Variants in MED19 observed in about 807,000 individuals in gnomAD.
The protein encoded by MED19 is mediator complex subunit 19.
In MED19, 4 loss-of-function variants were observed where a neutral mutation model predicts 19.9. The ratio of observed to expected loss-of-function variants is 0.20; its 90% CI spans 0.10 to 0.46. The LOEUF is 0.46. Among genes scored for constraint, MED19 ranks in the 20% least tolerant of loss-of-function variants. MED19 has a pLI of 0.99. For synonymous variants in MED19, 139 were observed against 119.6 expected (o/e 1.16, Z -1.06); for missense variants, 303 against 318.7 (o/e 0.95, Z 0.38).
At chr11:57,706,020 A>C (rs1218642912) in intron 1 of MED19, among the ~76,000 whole-genome samples, 1 of 152,136 alleles carries the variant, frequency 6.6e-6, no homozygotes, top group Admixed American at 6.5e-5. Context: ...ACTAGCAAGA[A>C]ACACTAATCA....
intron 1 of MED19, among the ~76,000 whole-genome samples, 187 bp downstream of exon 1, chr11:57,711,771 TTCAAC>T (rs1946619422): frequency 6.6e-6 from 1 of 152,128 alleles, no homozygotes; most frequent in Non-Finnish European, 1.5e-5. Flanking sequence ...TTTGGTTGAA[TTCAAC>T]TCATCCTGGT....
exon 5 of MED19, chr11:57,703,826 A>G (rs1327038802): frequency 1.3e-5 from 7 of 554,358 alleles, no homozygotes; most frequent in Non-Finnish European, 2.0e-5. Context: ...AGAGGAAGAG[A>G]TGTCCATGAG....
intron 3 of MED19, 91 bp from the exon 4 acceptor site, chr11:57,704,487 G>T: frequency 6.4e-7 from 1 of 1,560,734 alleles, no homozygotes; most frequent in South Asian, 1.2e-5. Flanking sequence ...TCCCAAGTCG[G>T]GGCAACTGCT....
intron 4 of MED19, 40 bp downstream of exon 4, chr11:57,704,262 G>C (rs1448383483): frequency 1.3e-6 from 2 of 1,530,288 alleles, no homozygotes; most frequent in Non-Finnish European, 1.7e-6. Context: ...GTGAGATCTG[G>C]GGAAACTCAC....
chr11:57,706,737 AAAAC>A (rs1565204149), intron 1 of MED19, among the ~76,000 whole-genome samples: 7 of 150,586 alleles, frequency 4.6e-5, no homozygotes, highest in South Asian at 4.3e-4. Flanking sequence ...TGTCTCAAAA[AAAAC>A]AAAACAAAAC....
At chr11:57,707,281 T>C (rs1285499878) in intron 1 of MED19, among the ~76,000 whole-genome samples, 1 of 151,856 alleles carries the variant, frequency 6.6e-6, no homozygotes, top group African/African-American at 2.4e-5. Context: ...TTAAAAAATA[T>C]ACATTTATTA....
exon 3 of MED19, chr11:57,704,726 G>T: frequency 6.2e-7 from 1 of 1,609,402 alleles, no homozygotes; most frequent in Non-Finnish European, 8.5e-7. Context: ...TACCTGGGGG[G>T]ACAGGATCCT....
At chr11:57,705,250 A>G in intron 1 of MED19, 21 bp from the exon 2 acceptor site, 1 of 1,609,346 alleles carries the variant, frequency 6.2e-7, no homozygotes, top group East Asian at 2.2e-5. Flanking sequence ...CAGAATAAAA[A>G]TAAAAAAGAT....
chr11:57,712,060 G>A (rs1279778131), exon 1 of MED19: 5 of 1,532,250 alleles, frequency 3.3e-6, no homozygotes, highest in Non-Finnish European at 1.8e-6. Flanking sequence ...GGGCCGTGCC[G>A]GGTCCCCCGC....
At chr11:57,704,652 C>G (rs1412267637) in intron 3 of MED19, 67 bp downstream of exon 3, 10 of 1,539,416 alleles carry the variant, frequency 6.5e-6, no homozygotes, top group Non-Finnish European at 8.9e-6. Flanking sequence ...AAGTTCAAAC[C>G]AGATTCAGAA....
At chr11:57,708,793 A>C (rs1946533804) in intron 1 of MED19, among the ~76,000 whole-genome samples, 1 of 152,188 alleles carries the variant, frequency 6.6e-6, no homozygotes, top group Non-Finnish European at 1.5e-5. Context: ...ATATCTGTCA[A>C]CTGACTGATA....
exon 1 of MED19, chr11:57,712,160 A>C (rs1249605807): frequency 6.5e-7 from 1 of 1,529,306 alleles, no homozygotes; most frequent in Non-Finnish European, 8.8e-7. Context: ...AGCCCCAAAC[A>C]GTGCCGTGAA....
chr11:57,707,928 G>A (rs1946526687), intron 1 of MED19, among the ~76,000 whole-genome samples: 1 of 152,086 alleles, frequency 6.6e-6, no homozygotes, highest in South Asian at 2.1e-4. Context: ...TGCATCCTGG[G>A]CTCAAACTAC....
exon 1 of MED19, chr11:57,712,185 C>A: frequency 6.6e-7 from 1 of 1,516,002 alleles, no homozygotes; most frequent in Non-Finnish European, 8.8e-7. Context: ...TCCATCGTAC[C>A]CTCCGCCCCG....
At chr11:57,703,892 A>AC in exon 5 of MED19, 4 of 1,262,366 alleles carry the variant, frequency 3.2e-6, no homozygotes, top group Non-Finnish European at 3.2e-6. Context: ...TAATTTACTT[A>AC]GTCTCAACTG....
chr11:57,704,689 T>C, intron 3 of MED19, 30 bp downstream of exon 3: 1 of 1,579,864 alleles, frequency 6.3e-7, no homozygotes, highest in South Asian at 1.2e-5. Flanking sequence ...TTTTTTTTTT[T>C]TTTTTGCTTT....
At chr11:57,710,928 C>A (rs1253221999) in intron 1 of MED19, among the ~76,000 whole-genome samples, 1 of 152,164 alleles carries the variant, frequency 6.6e-6, no homozygotes, top group African/African-American at 2.4e-5. Flanking sequence ...CTCCTGGGCT[C>A]AAGGGATTCT....
exon 5 of MED19, chr11:57,703,790 G>C: frequency 2.2e-6 from 1 of 459,568 alleles, no homozygotes; most frequent in Non-Finnish European, 3.7e-6. Flanking sequence ...ACAAAAGAGA[G>C]AGAAGAAAAT....
intron 1 of MED19, among the ~76,000 whole-genome samples, chr11:57,707,846 A>T: frequency 6.6e-6 from 1 of 151,988 alleles, no homozygotes. Flanking sequence ...ATATTTATTT[A>T]TTTTTTGAGA....
Sources: allele counts gnomAD v4.1 joint callset (sites outside exome capture counted in the v4.1 genomes callset), GRCh38; gene constraint gnomAD v4.1.1; transcripts MANE v1.5; gene names NCBI Gene and HGNC (gene_info 2026-07-23, HGNC 2026-07-21).